The following MAMLD1 variants were observed in gnomAD, a reference collection of about 807,000 sequenced individuals.
MAMLD1 encodes the protein mastermind-like domain-containing protein 1.
Under a neutral mutation model 45.0 loss-of-function variants are expected in MAMLD1, and 14 were observed. That is an observed-to-expected ratio of 0.31 (90% CI 0.21 to 0.49). The LOEUF (loss-of-function observed/expected upper bound fraction) is 0.49. Among genes scored for constraint, MAMLD1 ranks in the 20% least tolerant of loss-of-function variants. The pLI, the probability that MAMLD1 is intolerant of heterozygous loss-of-function variation, is 0.99. For missense variants in MAMLD1, 543 were observed against 603.6 expected (o/e 0.90, Z 1.05); for synonymous variants, 254 against 247.8 (o/e 1.02, Z -0.24).
intron 5 of MAMLD1, among the ~76,000 whole-genome samples, chrX:150,484,183 CA>C (rs1227949654): frequency 1.8e-5 from 2 of 110,940 alleles, no homozygotes; most frequent in East Asian, 2.8e-4. Flanking sequence ...TGGTTTAAAC[CA>C]AAAAAAAGAG....
At chrX:150,440,810 C>G (rs2035276195) in intron 1 of MAMLD1, among the ~76,000 whole-genome samples, 1 of 104,216 alleles carries the variant, frequency 9.6e-6, no homozygotes, top group Non-Finnish European at 1.9e-5. Context: ...TTGGGTTTCT[C>G]TATTGTTTTT....
chrX:150,369,746 G>A (rs1262652206), intron 1 of MAMLD1, among the ~76,000 whole-genome samples: 1 of 111,698 alleles, frequency 9.0e-6, no homozygotes, highest in African/African-American at 3.3e-5. Context: ...TTTAGTGAAG[G>A]TTTCAAAGAC....
rs782210043 is a variant in MAMLD1 at position 150,399,880 on chromosome X, T to C, written c.-64+36350T>C. Reference sequence around the variant, plus strand: ...GCATACAAATGGTGCGAAAGAACAATTGAGCAGGCTTTCAGAGGCTATTGA... The same window carrying C: ...GCATACAAATGGTGCGAAAGAACAACTGAGCAGGCTTTCAGAGGCTATTGA... On this transcript the variant is annotated intron_variant, in intron 1 of 7. Transcript: ENST00000370401. 2.7e-5 allele frequency among the ~76,000 whole-genome samples: 3 copies of C among 112,473 alleles called. No homozygotes were observed. In the East Asian group the frequency reaches 8.4e-4, roughly 31 times the overall value.
intron 5 of MAMLD1, among the ~76,000 whole-genome samples, chrX:150,491,324 C>T (rs1458561397): frequency 1.8e-5 from 2 of 111,817 alleles, no homozygotes; most frequent in Non-Finnish European, 3.8e-5. Flanking sequence ...TTCCAGTGCC[C>T]GCCACTGCTC....
At position 150,513,487 on chromosome X, in the gene MAMLD1, G is replaced by A; in HGVS notation, c.*1528G>A. ...TGGTTTTAATGCAATGAGCAATGTGGATATGACCAAGAGTTGTTGTGCAAG... is the reference window on the plus strand; with the variant it reads ...TGGTTTTAATGCAATGAGCAATGTGAATATGACCAAGAGTTGTTGTGCAAG... On this transcript the variant is annotated 3_prime_UTR_variant, in exon 8 of 8. Transcript: ENST00000370401. The A allele has an allele frequency of 3.4e-6, 1 of 293,540 alleles. No individual in the cohort carries two copies. The highest frequency in any genetic ancestry group is 6.0e-6 in the Non-Finnish European group (1 of 167,821). The allele number at this position is 293,540 out of a possible 1,213,427, so 24.2% of individuals were successfully genotyped here.
chrX:150,452,221 A>G (rs782512142), intron 2 of MAMLD1, among the ~76,000 whole-genome samples: 6 of 112,153 alleles, frequency 5.3e-5, no homozygotes, highest in Admixed American at 1.9e-4. Context: ...TACACAGGAA[A>G]TGGGAAAATA....
At chrX:150,432,476 T>C in intron 1 of MAMLD1, among the ~76,000 whole-genome samples, 1 of 111,988 alleles carries the variant, frequency 8.9e-6, no homozygotes, top group Middle Eastern at 4.6e-3. Context: ...GGCATATTTG[T>C]CATAAAATCT....
At chrX:150,381,561 A>T (rs1239108643) in intron 1 of MAMLD1, among the ~76,000 whole-genome samples, 1 of 112,394 alleles carries the variant, frequency 8.9e-6, no homozygotes, top group Non-Finnish European at 1.9e-5. Context: ...ACCCATGGCA[A>T]CTAACCAGTA....
chrX:150,445,940 G>A (rs2035473772), intron 2 of MAMLD1, among the ~76,000 whole-genome samples: 1 of 111,899 alleles, frequency 8.9e-6, no homozygotes, highest in African/African-American at 3.3e-5. Flanking sequence ...ATAGAAGCCA[G>A]TCAGAATGGC....
At chrX:150,511,878 C>A in intron 7 of MAMLD1, 126 bp from the exon 8 acceptor site, 2 of 526,810 alleles carry the variant, frequency 3.8e-6, no homozygotes, top group African/African-American at 2.4e-5. Flanking sequence ...CAGGGGGGAG[C>A]TCAGTAGAGA....
At chrX:150,455,521 C>CACACACTATGCT (rs1279621594) in intron 2 of MAMLD1, among the ~76,000 whole-genome samples, 1 of 110,968 alleles carries the variant, frequency 9.0e-6, no homozygotes, top group Non-Finnish European at 1.9e-5. Context: ...TACACTATGC[C>CACACACTATGCT]ACACACTATG....
chrX:150,390,207 A>C (rs1158995545), intron 1 of MAMLD1, among the ~76,000 whole-genome samples: 1 of 111,911 alleles, frequency 8.9e-6, no homozygotes, highest in Non-Finnish European at 1.9e-5. Context: ...CTGGGACTAC[A>C]GACATGCGCC....
intron 2 of MAMLD1, among the ~76,000 whole-genome samples, chrX:150,460,235 T>C (rs1229590575): frequency 1.8e-5 from 2 of 111,534 alleles, no homozygotes; most frequent in East Asian, 5.7e-4. Flanking sequence ...CCATGTCCAA[T>C]CCCATGTCCT....
intron 1 of MAMLD1, among the ~76,000 whole-genome samples, chrX:150,379,037 C>T (rs2032472017): frequency 1.8e-5 from 2 of 112,090 alleles, no homozygotes; most frequent in Non-Finnish European, 3.8e-5. Flanking sequence ...CCTCTCAGTC[C>T]ACAAAGCTAG....
chrX:150,500,794 A>AT (rs2037527284), intron 5 of MAMLD1, among the ~76,000 whole-genome samples: 1 of 69,561 alleles, frequency 1.4e-5, no homozygotes, highest in Non-Finnish European at 2.9e-5. Context: ...AGAGTGTGTG[A>AT]TAAGCAGTTT....
chrX:150,368,525 G>C (rs1324017395), intron 1 of MAMLD1, among the ~76,000 whole-genome samples: 2 of 111,059 alleles, frequency 1.8e-5, no homozygotes, highest in Admixed American at 9.5e-5. Context: ...CGTTCACTCT[G>C]ATGGTAGTTT....
intron 1 of MAMLD1, among the ~76,000 whole-genome samples, chrX:150,409,541 A>G (rs1386421936): frequency 9.0e-6 from 1 of 111,709 alleles, no homozygotes; most frequent in Non-Finnish European, 1.9e-5. Flanking sequence ...TTAAGGGTGC[A>G]CTGGGACATT....
intron 5 of MAMLD1, among the ~76,000 whole-genome samples, chrX:150,489,553 G>A (rs2037108139): frequency 9.5e-6 from 1 of 105,261 alleles, no homozygotes; most frequent in Non-Finnish European, 1.9e-5. Context: ...AGGTGCAAAA[G>A]TAATTGCGGT....
chrX:150,397,242 G>T (rs1028813361), intron 1 of MAMLD1, among the ~76,000 whole-genome samples: 1 of 111,351 alleles, frequency 9.0e-6, no homozygotes, highest in Non-Finnish European at 1.9e-5. Context: ...GTATCAAATT[G>T]TCTAGCAAAA....
Sources: allele counts gnomAD v4.1 joint callset (sites outside exome capture counted in the v4.1 genomes callset), GRCh38; gene constraint gnomAD v4.1.1; transcripts MANE v1.5; gene names NCBI Gene and HGNC (gene_info 2026-07-23, HGNC 2026-07-21).